The following BAHD1 variants were observed in gnomAD, a reference collection of about 807,000 sequenced individuals.
BAHD1 encodes bromo adjacent homology domain containing 1.
A neutral mutation model predicts 63.1 loss-of-function variants in BAHD1; 20 were observed. The ratio of observed to expected loss-of-function variants is 0.32; its 90% CI spans 0.22 to 0.46. The LOEUF (loss-of-function observed/expected upper bound fraction) is 0.46. Ranked by LOEUF, BAHD1 falls within the 20% of genes least tolerant of loss-of-function variation. The pLI is 1.00. For missense variants in BAHD1, 939 were observed against 1,071.8 expected (o/e 0.88, Z 1.73); for synonymous variants, 408 against 426.8 (o/e 0.96, Z 0.54).
chr15:40,440,186 T>G (rs1046196655), upstream of BAHD1, among the ~76,000 whole-genome samples: 1 of 151,790 alleles, frequency 6.6e-6, no homozygotes, highest in Non-Finnish European at 1.5e-5. Flanking sequence ...AGAGGGTGAA[T>G]TAGGAGCTGG....
rs949141166 is a variant in BAHD1, at chr15:40,467,721, C to T, written c.*1591C>T. 5 of 152,628 alleles carry T rather than the reference C, an allele frequency of 3.3e-5. No homozygotes were observed. Among genetic ancestry groups the T allele is most frequent in the African/African-American group, 1.2e-4 (5 of 41,422 alleles). 9.5% of individuals were successfully genotyped at this position (152,628 alleles called of 1,614,324 possible). ...GAATTTATGCTTGGGAAGCCTGATC[C>T]CAAACCTGAAGGGAAGGGACTTGGA... On this transcript the variant is annotated 3_prime_UTR_variant, in exon 7 of 7. Transcript: ENST00000416165.
rs1396013654 is a variant in BAHD1 at position 40,440,984 on chromosome 15, G to A, written c.-299G>A. Among the ~76,000 whole-genome samples the A allele has an allele frequency of 1.3e-5, 2 of 150,838 alleles. No individual in the cohort carries two copies. The highest frequency in any genetic ancestry group is 3.0e-5 in the Non-Finnish European group (2 of 67,542). On this transcript the variant is annotated 5_prime_UTR_variant, in exon 1 of 7. Coordinates refer to ENST00000416165, the MANE Select transcript of BAHD1 (RefSeq NM_014952.5). Reference sequence around the variant, plus strand: ...GTGGGGGAACCGCGAGCGGCGTAGCGGATCCCGGAGCCCGGCCCCCGCCGC... The same window carrying A: ...GTGGGGGAACCGCGAGCGGCGTAGCAGATCCCGGAGCCCGGCCCCCGCCGC...
intron 1 of BAHD1, among the ~76,000 whole-genome samples, chr15:40,447,152 G>A (rs1893562063): frequency 6.6e-6 from 1 of 152,200 alleles, no homozygotes; most frequent in Admixed American, 6.5e-5. Context: ...GCCAGAAGGA[G>A]GGGTGAAGTC....
Position 40,441,107 on chromosome 15 carries a change from G to A in BAHD1, c.-176G>A, listed in dbSNP as rs1217952533. 1.4e-5 allele frequency: 2 copies of A among 146,802 alleles called. No individual in the cohort carries two copies. The highest frequency in any genetic ancestry group is 3.0e-5 in the Non-Finnish European group (2 of 66,048). 9.1% of individuals were successfully genotyped at this position (146,802 alleles called of 1,614,324 possible). A position where few individuals can be genotyped will look rare whatever the true frequency, so the allele number is the denominator to read the frequency against. Reference sequence around the variant, plus strand: ...CCCCCGACGGCCCCGCCCGGCCGCGGTCCCCGCTCCGCCCGCCCGGCCCCG... The same window carrying A: ...CCCCCGACGGCCCCGCCCGGCCGCGATCCCCGCTCCGCCCGCCCGGCCCCG... On this transcript the variant is annotated 5_prime_UTR_variant, in exon 1 of 7. Transcript: ENST00000416165.
At chr15:40,448,383 A>G (rs929971596) in intron 1 of BAHD1, among the ~76,000 whole-genome samples, 9 of 152,244 alleles carry the variant, frequency 5.9e-5, no homozygotes, top group African/African-American at 2.2e-4. Context: ...CAATAATTAA[A>G]GCACAGAAAA....
chr15:40,455,923 C>T (rs905328345), intron 1 of BAHD1, among the ~76,000 whole-genome samples: 1 of 152,188 alleles, frequency 6.6e-6, no homozygotes, highest in Non-Finnish European at 1.5e-5. Flanking sequence ...ACAGGGGTGC[C>T]TGGATATGAG....
rs150891354 is a variant in BAHD1, at chr15:40,449,351, A to G, written c.-15+8083A>G. 3.4e-3 allele frequency among the ~76,000 whole-genome samples: 516 copies of G among 152,342 alleles called. 4 individuals are homozygous for G. The highest frequency in any genetic ancestry group is 0.017 in the Middle Eastern group (5 of 294). On this transcript the variant is annotated intron_variant, in intron 1 of 6. Transcript: ENST00000416165. ...AGGGTGTCTGGGGACTGATAATGCT[A>G]ACTTTAGTTCTTTGCTCCTGATTTC...
chr15:40,464,764 TAAA>T lies in BAHD1; in HGVS notation c.2052+220_2052+222del, dbSNP rs915883290. On this transcript the variant is annotated intron_variant, in intron 5 of 6. Coordinates refer to ENST00000416165, the MANE Select transcript of BAHD1 (RefSeq NM_014952.5). ...TCAAAGGGAATAATAACCTTTGTCT[TAAA>T]AAGAGGAACAGAAAGGGAACCCTTG... 6 of 547,872 alleles carry T rather than the reference TAAA, an allele frequency of 1.1e-5. No homozygotes were observed. In the Admixed American group the frequency reaches 1.6e-4, roughly 15 times the overall value. 33.9% of individuals were successfully genotyped at this position (547,872 alleles called of 1,614,324 possible).
At position 40,441,187 on chromosome 15, in the gene BAHD1, C is replaced by G. The variant is rs1384511513; in HGVS notation, c.-96C>G. ...CGTGGAGCCCGGGAATTGAGCGCCC[C>G]CGGGGGGTTCCAGCCGCCGGATTCC... On this transcript the variant is annotated 5_prime_UTR_variant, in exon 1 of 7. Coordinates refer to ENST00000416165, the MANE Select transcript of BAHD1 (RefSeq NM_014952.5). The G allele has an allele frequency of 2.6e-5, 4 of 151,492 alleles. No homozygotes were observed. Among genetic ancestry groups the G allele is most frequent in the African/African-American group, 7.2e-5 (3 of 41,454 alleles). The allele number at this position is 151,492 out of a possible 1,614,324, so 9.4% of individuals were successfully genotyped here. A position where few individuals can be genotyped will look rare whatever the true frequency, so the allele number is the denominator to read the frequency against.
rs1893904947 is a variant in BAHD1 at position 40,458,185 on chromosome 15, C to T, written c.-14-266C>T. On this transcript the variant is annotated intron_variant, in intron 1 of 6. Coordinates refer to ENST00000416165, the MANE Select transcript of BAHD1 (RefSeq NM_014952.5). The surrounding 1 kb of genome is among the most constrained non-coding windows in gnomAD (Gnocchi z 4.7). Reference sequence around the variant, plus strand: ...TCCCCTGTCCCTGGGGTCTGCCTTGCTCCCTAGGCTCTTCAGGGGCTTAGT... The same window carrying T: ...TCCCCTGTCCCTGGGGTCTGCCTTGTTCCCTAGGCTCTTCAGGGGCTTAGT... 6.6e-6 allele frequency among the ~76,000 whole-genome samples: 1 copy of T among 152,126 alleles called. No individual in the cohort carries two copies. The highest frequency in any genetic ancestry group is 1.5e-5 in the Non-Finnish European group (1 of 68,012).
intron 1 of BAHD1, among the ~76,000 whole-genome samples, chr15:40,448,149 G>T (rs1409679630): frequency 6.6e-6 from 1 of 152,012 alleles, no homozygotes; most frequent in Non-Finnish European, 1.5e-5. Context: ...GGCTGAGGCA[G>T]GAGAATCGCT....
chr15:40,463,535 G>A (rs1894112318), intron 3 of BAHD1, among the ~76,000 whole-genome samples: 2 of 152,190 alleles, frequency 1.3e-5, no homozygotes, highest in African/African-American at 2.4e-5. Flanking sequence ...TGGTTTAAGG[G>A]TTCAGACCGA....
chr15:40,457,604 G>T (rs760374722), intron 1 of BAHD1, among the ~76,000 whole-genome samples: 5 of 152,244 alleles, frequency 3.3e-5, no homozygotes, highest in Non-Finnish European at 7.3e-5. Context: ...AGCAGGCAGG[G>T]TCCCCATCTC....
intron 2 of BAHD1, among the ~76,000 whole-genome samples, chr15:40,460,587 A>G (rs995722417): frequency 2.6e-5 from 4 of 152,102 alleles, no homozygotes; most frequent in Non-Finnish European, 4.4e-5. Flanking sequence ...AGACCCAGAC[A>G]CCTGAGAGGC....
In BAHD1 at chr15:40,464,031, C is replaced by G. The variant is rs1430877621; in HGVS notation, c.1975+11C>G. 6.2e-7 allele frequency: 1 copy of G among 1,613,382 alleles called. No individual in the cohort carries two copies. The highest frequency in any genetic ancestry group is 1.3e-5 in the African/African-American group (1 of 74,942). On this transcript the variant is annotated intron_variant, in intron 4 of 6. Transcript: ENST00000416165. ...AGAACCCCGAGTCAGGTACCTCTCC[C>G]TCTGGCTGGGGACCCAAGGGGCAGC...
intron 6 of BAHD1, 68 bp from the exon 7 acceptor site, chr15:40,465,873 G>T (rs1894184817): frequency 1.3e-6 from 2 of 1,493,006 alleles, no homozygotes; most frequent in Admixed American, 4.3e-5. Flanking sequence ...GTAGGGTAGG[G>T]TAGGGAAGGA....
At chr15:40,465,811 G>A in intron 6 of BAHD1, 130 bp from the exon 7 acceptor site, 2 of 936,986 alleles carry the variant, frequency 2.1e-6, no homozygotes, top group Non-Finnish European at 3.3e-6. Flanking sequence ...TGGGATGGGT[G>A]GAGACAGTAC....
In BAHD1 at chr15:40,441,225, G is replaced by T. The variant is rs1306745494; in HGVS notation, c.-58G>T. On this transcript the variant is annotated 5_prime_UTR_variant, in exon 1 of 7. Transcript: ENST00000416165. Reference sequence around the variant, plus strand: ...GCCGCCGGATTCCAGCCCGGCCGGGGCCTGCGGGCGCCCAGAGCCGCGCCG... The same window carrying T: ...GCCGCCGGATTCCAGCCCGGCCGGGTCCTGCGGGCGCCCAGAGCCGCGCCG... 6.6e-6 allele frequency: 1 copy of T among 151,492 alleles called. No homozygotes were observed. Among genetic ancestry groups the T allele is most frequent in the Admixed American group, 6.6e-5 (1 of 15,184 alleles). The allele number at this position is 151,492 out of a possible 1,614,324, so 9.4% of individuals were successfully genotyped here.
chr15:40,464,285 C>G (rs977236468), intron 4 of BAHD1, 186 bp from the exon 5 acceptor site: 9 of 653,554 alleles, frequency 1.4e-5, no homozygotes, highest in South Asian at 5.7e-5. Flanking sequence ...GCCTTCTCCC[C>G]CTTCTCCCTC....
Sources: allele counts gnomAD v4.1 joint callset (sites outside exome capture counted in the v4.1 genomes callset), GRCh38; gene constraint gnomAD v4.1.1; non-coding constraint Gnocchi (gnomAD v3.1); transcripts MANE v1.5; gene names NCBI Gene and HGNC (gene_info 2026-07-23, HGNC 2026-07-21).